Variants in ARHGAP24 observed in about 807,000 individuals in gnomAD.
ARHGAP24 encodes rho GTPase-activating protein 24.
In ARHGAP24, 50 loss-of-function variants were observed where a neutral mutation model predicts 76.4. That is an observed-to-expected ratio of 0.65 (90% confidence interval 0.52 to 0.83). ARHGAP24 has a LOEUF of 0.83. Ranked by LOEUF, ARHGAP24 falls within the 40% of genes least tolerant of loss-of-function variation. ARHGAP24 has a pLI of 0.00. For synonymous variants in ARHGAP24, 345 were observed against 323.3 expected (o/e 1.07, Z -0.72); for missense variants, 930 against 914.2 (o/e 1.02, Z -0.22).
At chr4:85,534,652 G>T (rs993191684) in intron 1 of ARHGAP24, among the ~76,000 whole-genome samples, 1 of 152,140 alleles carries the variant, frequency 6.6e-6, no homozygotes, top group Non-Finnish European at 1.5e-5. Flanking sequence ...ATGAAATAGA[G>T]GGTAGCAAGC....
intron 2 of ARHGAP24, among the ~76,000 whole-genome samples, chr4:85,677,277 A>G (rs528836617): frequency 4.0e-4 from 61 of 152,280 alleles, no homozygotes; most frequent in African/African-American, 1.3e-3. Context: ...ACAGAAATTT[A>G]TCTTGTAGTC....
chr4:85,972,356 A>G, intron 6 of ARHGAP24, 188 bp downstream of exon 6: 2 of 625,248 alleles, frequency 3.2e-6, no homozygotes, highest in Non-Finnish European at 5.3e-6. Flanking sequence ...CTCTCTGATC[A>G]AAAAAAAAGA....
rs549814865 is a variant in ARHGAP24 at position 85,686,913 on chromosome 4, A to G, written c.181-34972A>G. Among the ~76,000 whole-genome samples the G allele has an allele frequency of 3.3e-5, 5 of 152,250 alleles. No individual in the cohort carries two copies. In the South Asian group the frequency reaches 8.3e-4, roughly 25 times the overall value. On this transcript the variant is annotated intron_variant, in intron 2 of 9. Coordinates refer to ENST00000395184, the MANE Select transcript of ARHGAP24 (RefSeq NM_001025616.3). ...TACAAATATTTTCAGAAAGGCTTTC[A>G]TTAGAAACTGAGTAAAGGAGCCCTT... is the stretch of plus-strand genomic sequence containing the variant.
At chr4:85,807,762 ACC>A (rs1560643691) in intron 3 of ARHGAP24, among the ~76,000 whole-genome samples, 4 of 152,100 alleles carry the variant, frequency 2.6e-5, no homozygotes, top group African/African-American at 9.7e-5. Context: ...TCAGAATTGT[ACC>A]AAGCCACCAT....
At chr4:85,841,285 A>G (rs1730583719) in intron 3 of ARHGAP24, among the ~76,000 whole-genome samples, 1 of 152,220 alleles carries the variant, frequency 6.6e-6, no homozygotes, top group Admixed American at 6.5e-5. Flanking sequence ...AAATTGTATA[A>G]AATGTGTTAA....
intron 2 of ARHGAP24, among the ~76,000 whole-genome samples, chr4:85,575,952 T>C (rs966725576): frequency 9.2e-5 from 14 of 152,202 alleles, no homozygotes; most frequent in Non-Finnish European, 1.6e-4. Context: ...CCAATTAATG[T>C]GGTCTAGACT....
intron 6 of ARHGAP24, among the ~76,000 whole-genome samples, chr4:85,973,981 T>C (rs951217843): frequency 1.3e-5 from 2 of 150,650 alleles, no homozygotes; most frequent in African/African-American, 4.9e-5. Flanking sequence ...TAGCTGGGAC[T>C]ACAGGCGCCC....
At chr4:85,880,770 C>A (rs1375109903) in intron 3 of ARHGAP24, among the ~76,000 whole-genome samples, 1 of 152,156 alleles carries the variant, frequency 6.6e-6, no homozygotes, top group African/African-American at 2.4e-5. Context: ...ACCTCGTGAT[C>A]CGCCCGCCTC....
intron 3 of ARHGAP24, among the ~76,000 whole-genome samples, chr4:85,853,047 G>A (rs533005742): frequency 6.6e-6 from 1 of 152,354 alleles, no homozygotes; most frequent in Admixed American, 6.5e-5. Context: ...AGAAGTTTCT[G>A]CTGCCTTTTG....
chr4:85,702,021 A>G (rs1724108105), intron 2 of ARHGAP24, among the ~76,000 whole-genome samples: 1 of 152,028 alleles, frequency 6.6e-6, no homozygotes, highest in African/African-American at 2.4e-5. Context: ...CCATCAACCC[A>G]TGGTACATAT....
chr4:85,641,148 G>C (rs1435253607), intron 2 of ARHGAP24, among the ~76,000 whole-genome samples: 1 of 152,070 alleles, frequency 6.6e-6, no homozygotes, highest in Non-Finnish European at 1.5e-5. Flanking sequence ...TCAGGCTAGA[G>C]TGCAGTAGAA....
At chr4:85,515,847 T>C (rs1226845028) in intron 1 of ARHGAP24, among the ~76,000 whole-genome samples, 1 of 152,224 alleles carries the variant, frequency 6.6e-6, no homozygotes, top group Non-Finnish European at 1.5e-5. Flanking sequence ...TTTTTGTCAA[T>C]ATTGACATAT....
chr4:85,478,847 A>T (rs114576089), intron 1 of ARHGAP24, among the ~76,000 whole-genome samples: 216 of 152,260 alleles, frequency 1.4e-3, no homozygotes, highest in African/African-American at 5.0e-3. Flanking sequence ...AGAATTAATC[A>T]TTTCATCTTG....
intron 3 of ARHGAP24, 38 bp downstream of exon 3, chr4:85,722,010 C>T: frequency 6.4e-7 from 1 of 1,565,034 alleles, no homozygotes; most frequent in Non-Finnish European, 8.8e-7. Flanking sequence ...TTATTGTCAT[C>T]CTGTGTTGGT....
intron 3 of ARHGAP24, among the ~76,000 whole-genome samples, chr4:85,885,739 A>G (rs754635907): frequency 6.6e-6 from 1 of 152,160 alleles, no homozygotes; most frequent in Non-Finnish European, 1.5e-5. Context: ...GTTAAATGAC[A>G]TGGCAAACTA....
intron 2 of ARHGAP24, among the ~76,000 whole-genome samples, chr4:85,622,515 G>C (rs1720758420): frequency 6.6e-6 from 1 of 151,918 alleles, no homozygotes; most frequent in Non-Finnish European, 1.5e-5. Context: ...ATTTAGGTTG[G>C]TTCCAAGTCT....
At chr4:85,514,265 C>T (rs1418912544) in intron 1 of ARHGAP24, among the ~76,000 whole-genome samples, 1 of 152,070 alleles carries the variant, frequency 6.6e-6, no homozygotes, top group South Asian at 2.1e-4. Context: ...CAGAGCAGTC[C>T]CCTGCTCCGT....
At chr4:85,968,320 G>C (rs1738754265) in intron 5 of ARHGAP24, among the ~76,000 whole-genome samples, 1 of 152,076 alleles carries the variant, frequency 6.6e-6, no homozygotes, top group Non-Finnish European at 1.5e-5. Context: ...ATTAGGTGAA[G>C]GATTTTTATT....
In ARHGAP24 at chr4:85,933,490, C is replaced by A. The variant is rs74411558; in HGVS notation, c.392-8576C>A. Among the ~76,000 whole-genome samples, 613 of 152,224 alleles carry A rather than the reference C, an allele frequency of 4.0e-3. 5 individuals are homozygous for A. Among genetic ancestry groups the A allele is most frequent in the African/African-American group, 0.014 (588 of 41,542 alleles). The stretch of plus-strand genomic sequence containing the variant: ...CCTCTTCTGTCCTTTGCTGCCCTTT[C>A]AACTCTCATTCTTTGTTTGGATACT... On this transcript the variant is annotated intron_variant, in intron 4 of 9. Coordinates refer to ENST00000395184, the MANE Select transcript of ARHGAP24 (RefSeq NM_001025616.3).
Sources: allele counts gnomAD v4.1 joint callset (sites outside exome capture counted in the v4.1 genomes callset), GRCh38; gene constraint gnomAD v4.1.1; transcripts MANE v1.5; gene names NCBI Gene and HGNC (gene_info 2026-07-23, HGNC 2026-07-21).